Variants in ITGAM observed in about 807,000 individuals in gnomAD.
The protein encoded by ITGAM is integrin subunit alpha M.
A neutral mutation model predicts 137.5 loss-of-function variants in ITGAM; 79 were observed. That is an observed-to-expected ratio of 0.57 (90% confidence interval 0.48 to 0.69). The LOEUF is 0.69. Among genes scored for constraint, ITGAM ranks in the 30% least tolerant of loss-of-function variants. ITGAM has a pLI of 0.00. For synonymous variants in ITGAM, 583 were observed against 592.3 expected (o/e 0.98, Z 0.23); for missense variants, 1,343 against 1,483.5 (o/e 0.91, Z 1.56).
intron 5 of ITGAM, among the ~76,000 whole-genome samples, chr16:31,269,825 A>G (rs965304122): frequency 2.0e-5 from 3 of 152,098 alleles, no homozygotes; most frequent in South Asian, 2.1e-4. Context: ...GCTGTCCCCA[A>G]ACAACCTCAA....
chr16:31,331,553 G>C (rs2080583531), intron 29 of ITGAM, 83 bp from the exon 30 acceptor site: 1 of 701,936 alleles, frequency 1.4e-6, no homozygotes, highest in Admixed American at 2.4e-5. Flanking sequence ...GTCTCTGCCG[G>C]CCCTCCCGCC....
At chr16:31,302,499 T>TTTTTCTTTCC (rs2080217250) in intron 14 of ITGAM, among the ~76,000 whole-genome samples, 1 of 146,668 alleles carries the variant, frequency 6.8e-6, no homozygotes, top group African/African-American at 2.7e-5. Flanking sequence ...TCTTTCCTTC[T>TTTTTCTTTCC]TTCTTTCTTT....
intron 2 of ITGAM, among the ~76,000 whole-genome samples, chr16:31,264,186 C>T (rs999129631): frequency 6.6e-6 from 1 of 151,886 alleles, no homozygotes. Flanking sequence ...GGGGCTCACG[C>T]CTGTAATCCC....
rs1247181445 is a variant in ITGAM, at chr16:31,321,580, G to T, written c.1955G>T (p.Arg652Ile). The T allele has an allele frequency of 3.1e-6, 5 of 1,614,030 alleles. No homozygotes were observed. The highest frequency in any genetic ancestry group is 3.4e-6 in the Non-Finnish European group (4 of 1,179,898). The change falls in exon 16 of 30, where the codon AGA becomes ATA. Residue 652 changes from arginine (R) to isoleucine (I), a missense_variant. Coordinates refer to ENST00000544665, the MANE Select transcript of ITGAM (RefSeq NM_000632.4). ...AAAGGCAAGGAAGCCGGAGAGGTCAGAGTCTGCCTCCATGTCCAGAAGAGC... is the reference window on the plus strand; with the variant it reads ...AAAGGCAAGGAAGCCGGAGAGGTCATAGTCTGCCTCCATGTCCAGAAGAGC... ...VVKGKEAGEV[R>I]VCLHVQKSTR...
At chr16:31,307,236 G>C (rs1226676977) in intron 14 of ITGAM, among the ~76,000 whole-genome samples, 7 of 152,086 alleles carry the variant, frequency 4.6e-5, no homozygotes, top group Admixed American at 1.3e-4. Flanking sequence ...ATTACCTTGG[G>C]CAGTATGGCC....
rs41440245 is a variant in ITGAM at position 31,271,122 on chromosome 16, G to A, written c.558+38G>A. The A allele has an allele frequency of 4.2e-3, 6,111 of 1,438,922 alleles. 34 individuals carry two copies. Among genetic ancestry groups the A allele is most frequent in the Non-Finnish European group, 4.2e-3 (4,524 of 1,079,634 alleles). The allele number at this position is 1,438,922 out of a possible 1,614,324, so 89.1% of individuals were successfully genotyped here. A position where few individuals can be genotyped will look rare whatever the true frequency, so the allele number is the denominator to read the frequency against. ...GGGTAGGTTAGGGAAGAGCCCACAC[G>A]GGGCTGGAAGATACATGGCAACCGG... On this transcript the variant is annotated intron_variant, in intron 6 of 29. Transcript: ENST00000544665.
chr16:31,275,568 G>T lies in ITGAM; in HGVS notation c.878G>T (p.Ser293Ile), dbSNP rs1333711885. ...YVIGVGDAFR[S>I]EKSRQELNTI... ...TAACAGGTGGGAGATGCCTTCCGCA[G>T]TGAGAAATCCCGCCAAGAGCTTAAT... is the stretch of plus-strand genomic sequence containing the variant. The change falls in exon 9 of 30, where the codon AGT becomes ATT. Residue 293 changes from serine (S) to isoleucine (I), a missense_variant. Transcript: ENST00000544665. 2 of 1,613,882 alleles carry T rather than the reference G, an allele frequency of 1.2e-6. No homozygotes were observed. The highest frequency in any genetic ancestry group is 1.7e-6 in the Non-Finnish European group (2 of 1,179,898).
intron 12 of ITGAM, among the ~76,000 whole-genome samples, chr16:31,283,094 A>G (rs1447175893): frequency 6.6e-6 from 1 of 152,214 alleles, no homozygotes; most frequent in Non-Finnish European, 1.5e-5. Flanking sequence ...ATCAGCTGCT[A>G]GTCTGATGGG....
intron 8 of ITGAM, 55 bp from the exon 9 acceptor site, chr16:31,275,494 C>T (rs1596983939): frequency 6.4e-7 from 1 of 1,562,674 alleles, no homozygotes; most frequent in East Asian, 2.2e-5. Flanking sequence ...ATTGTCTTTG[C>T]CAGATGATAT....
chr16:31,283,099 G>T (rs2079988283), intron 12 of ITGAM, among the ~76,000 whole-genome samples: 2 of 152,334 alleles, frequency 1.3e-5, no homozygotes, highest in South Asian at 4.1e-4. Context: ...CTGCTAGTCT[G>T]ATGGGCTTCC....
chr16:31,275,597 A>G lies in ITGAM; in HGVS notation c.907A>G (p.Ile303Val). 1 of 1,613,886 alleles carries G rather than the reference A, an allele frequency of 6.2e-7. No homozygotes were observed. Among genetic ancestry groups the G allele is most frequent in the Non-Finnish European group, 8.5e-7 (1 of 1,179,838 alleles). The change falls in exon 9 of 30, where the codon ATC (isoleucine) becomes GTC (valine). Residue 303 changes from isoleucine to valine, a missense_variant. Ile to Val is a conservative substitution (Grantham distance 29). Coordinates refer to ENST00000544665, the MANE Select transcript of ITGAM (RefSeq NM_000632.4). ...GAAATCCCGCCAAGAGCTTAATACC[A>G]TCGCATCCAAGCCGCCTCGTGATCA... ...SEKSRQELNT[I>V]ASKPPRDHVF...
At chr16:31,304,163 G>A (rs1380065236) in intron 14 of ITGAM, among the ~76,000 whole-genome samples, 3 of 152,132 alleles carry the variant, frequency 2.0e-5, no homozygotes, top group African/African-American at 7.2e-5. Flanking sequence ...ATTCTTGCAG[G>A]AGTAAGGTGG....
In ITGAM at chr16:31,321,627, G is replaced by T; in HGVS notation, c.2002G>T (p.Gly668Ter). ...QKSTRDRLRE[G>*]QIQSVVTYDL... The stretch of plus-strand genomic sequence containing the variant: ...GAGCACACGGGATCGGCTAAGAGAA[G>T]GTGAGGCTTGGTGGATGAGTCTCAA... The change falls in exon 16 of 30, where the codon GGA (glycine) becomes TGA (stop). Residue 668 changes from glycine (G) to a stop codon, truncating the protein, a stop_gained and splice_region_variant. Transcript: ENST00000544665. LOFTEE classifies it high-confidence loss of function. 1 of 1,613,078 alleles carries T rather than the reference G, an allele frequency of 6.2e-7. No homozygotes were observed. The highest frequency in any genetic ancestry group is 8.5e-7 in the Non-Finnish European group (1 of 1,179,494).
At chr16:31,327,450 C>CGG (rs2080519736) in intron 22 of ITGAM, among the ~76,000 whole-genome samples, 1 of 150,948 alleles carries the variant, frequency 6.6e-6, no homozygotes, top group Non-Finnish European at 1.5e-5. Flanking sequence ...AAAAATTAGC[C>CGG]AGGCATGGTG....
At chr16:31,315,990 C>T (rs913076872) in intron 14 of ITGAM, among the ~76,000 whole-genome samples, 2 of 149,358 alleles carry the variant, frequency 1.3e-5, no homozygotes, top group South Asian at 4.4e-4. Context: ...GTCAGGAAAT[C>T]GAGACCGTCA....
intron 12 of ITGAM, among the ~76,000 whole-genome samples, chr16:31,288,400 T>G (rs1465927843): frequency 6.6e-6 from 1 of 152,164 alleles, no homozygotes; most frequent in Non-Finnish European, 1.5e-5. Flanking sequence ...TACTGGTTTT[T>G]AAATTTAAAT....
At chr16:31,287,942 C>A (rs982961395) in intron 12 of ITGAM, among the ~76,000 whole-genome samples, 2 of 152,122 alleles carry the variant, frequency 1.3e-5, no homozygotes, top group African/African-American at 4.8e-5. Context: ...TCAACTCCCC[C>A]ACCCCACACA....
chr16:31,270,945 C>T lies in ITGAM; in HGVS notation c.428-9C>T, dbSNP rs182113200. On this transcript the variant is annotated splice_polypyrimidine_tract_variant and intron_variant, in intron 5 of 29. Coordinates refer to ENST00000544665, the MANE Select transcript of ITGAM (RefSeq NM_000632.4). Reference sequence around the variant, plus strand: ...ATTACTTGATTCATACTCTTTTCCCCTTCCCCAGGGTGTCCTCAAGAGGAT... The same window carrying T: ...ATTACTTGATTCATACTCTTTTCCCTTTCCCCAGGGTGTCCTCAAGAGGAT... 77 of 1,469,578 alleles carry T rather than the reference C, an allele frequency of 5.2e-5. No individual in the cohort carries two copies. In the African/African-American group the frequency reaches 9.4e-4, roughly 18 times the overall value. The allele number at this position is 1,469,578 out of a possible 1,614,324, so 91.0% of individuals were successfully genotyped here. A position where few individuals can be genotyped will look rare whatever the true frequency, so the allele number is the denominator to read the frequency against.
chr16:31,321,186 A>G (rs2080445278), intron 14 of ITGAM, 55 bp from the exon 15 acceptor site: 1 of 1,599,674 alleles, frequency 6.3e-7, no homozygotes, highest in Non-Finnish European at 8.5e-7. Flanking sequence ...ACTGAGTTAT[A>G]CATCTCCTGT....
Sources: gnomAD v4.1 joint callset for allele counts (sites outside exome capture counted in the v4.1 genomes callset) on GRCh38, gnomAD v4.1.1 for gene constraint, MANE v1.5 for transcripts, NCBI Gene and HGNC (gene_info 2026-07-23, HGNC 2026-07-21) for gene names.